GRID1: variants seen among roughly 807,000 people sequenced by gnomAD.
GRID1 encodes the protein glutamate ionotropic receptor delta type subunit 1, also known as glutamate receptor ionotropic, delta-1.
GRID1 carries 28 observed loss-of-function variants against 98.0 expected under a neutral mutation model. That is an observed-to-expected ratio of 0.29 (90% CI 0.21 to 0.39). GRID1 has a LOEUF of 0.39. GRID1 is among the 10% of genes least tolerant of loss of function. The pLI is 1.00. For missense variants in GRID1, 1,111 were observed against 1,340.5 expected, an observed-to-expected ratio of 0.83 and a Z score of 2.67; for synonymous variants, 553 against 538.5, an observed-to-expected ratio of 1.03 and a Z score of -0.37.
At position 85,674,391 on chromosome 10, in the gene GRID1, C is replaced by T. The variant is rs531750833; in HGVS notation, c.1998-26994G>A. On this transcript the variant is annotated intron_variant, in intron 12 of 15. Coordinates refer to ENST00000327946, the MANE Select transcript of GRID1 (RefSeq NM_017551.3). ...GAATAAGAACAGCTTCAACATACCC[C>T]ACTGCACATCTCAAAGTTCAAGACA... Among the ~76,000 whole-genome samples the T allele has an allele frequency of 8.0e-4, 122 of 152,242 alleles. 1 individual carries two copies. In the South Asian group the frequency reaches 0.01, roughly 13 times the overall value.
chr10:85,782,560 A>C (rs1842390573), intron 8 of GRID1, among the ~76,000 whole-genome samples: 1 of 152,250 alleles, frequency 6.6e-6, no homozygotes, highest in South Asian at 2.1e-4. Context: ...TAGAGTTGAA[A>C]TGTTAAGTGA....
intron 5 of GRID1, among the ~76,000 whole-genome samples, chr10:85,883,460 TTTCCTTCGTTTTCC>T (rs1841064676): frequency 6.6e-6 from 1 of 152,048 alleles, no homozygotes; most frequent in South Asian, 2.1e-4. Flanking sequence ...GACTTTTTTC[TTTCCTTCGTTTTCC>T]TTTGTCCTTC....
intron 8 of GRID1, among the ~76,000 whole-genome samples, chr10:85,831,778 A>G (rs1053758731): frequency 3.9e-5 from 6 of 152,128 alleles, no homozygotes; most frequent in Non-Finnish European, 8.8e-5. Context: ...CATTGAAAGT[A>G]AAATATGTCA....
Position 85,965,208 on chromosome 10 carries a change from C to T in GRID1, c.727-48969G>A, listed in dbSNP as rs1219763902. ...TGGTGGGAGTGTAAATTAGTTCAAC[C>T]ATTGTGGAAGACAGTGTGGCAATTC... On this transcript the variant is annotated intron_variant, in intron 4 of 15. Coordinates refer to ENST00000327946, the MANE Select transcript of GRID1 (RefSeq NM_017551.3). Among the ~76,000 whole-genome samples, 2 of 152,304 alleles carry T rather than the reference C, an allele frequency of 1.3e-5. 1 individual carries two copies. The highest frequency in any genetic ancestry group is 6.8e-3 in the Middle Eastern group (2 of 294).
intron 4 of GRID1, among the ~76,000 whole-genome samples, chr10:85,972,024 G>C (rs11596692): frequency 0.13 from 19,602 of 152,088 alleles, 1,394 homozygotes; most frequent in Admixed American, 0.22. Context: ...TAACAAATGA[G>C]AATCAACCCC....
chr10:85,605,903 T>C (rs1362732748), intron 15 of GRID1: 1 of 152,206 alleles, frequency 6.6e-6, no homozygotes, highest in East Asian at 1.9e-4. Flanking sequence ...CAAAATTCTC[T>C]GAAGGAAGAT....
intron 2 of GRID1, among the ~76,000 whole-genome samples, chr10:86,327,119 G>A (rs977866743): frequency 6.6e-6 from 1 of 152,156 alleles, no homozygotes; most frequent in Non-Finnish European, 1.5e-5. Flanking sequence ...CTGGGCGACA[G>A]AGCAACACTC....
chr10:85,974,245 G>A (rs117055644), intron 4 of GRID1, among the ~76,000 whole-genome samples: 5 of 152,188 alleles, frequency 3.3e-5, no homozygotes, highest in South Asian at 2.1e-4. Flanking sequence ...AAGAAATACC[G>A]AGGGAAAGTC....
intron 4 of GRID1, among the ~76,000 whole-genome samples, chr10:86,034,705 G>A (rs1365206719): frequency 6.6e-6 from 1 of 151,902 alleles, no homozygotes; most frequent in Non-Finnish European, 1.5e-5. Context: ...CAATTACAAT[G>A]ATCTGTTTCC....
intron 4 of GRID1, among the ~76,000 whole-genome samples, chr10:85,996,829 CAA>C (rs200832384): frequency 1.5e-4 from 10 of 67,838 alleles, no homozygotes; most frequent in Middle Eastern, 8.8e-3. Flanking sequence ...AACTCCATCT[CAA>C]AAAAAAAAAA....
intron 12 of GRID1, among the ~76,000 whole-genome samples, chr10:85,681,582 C>T (rs1841209347): frequency 6.6e-6 from 1 of 152,122 alleles, no homozygotes; most frequent in East Asian, 1.9e-4. Flanking sequence ...CATGCACTGC[C>T]TCTTAACCTG....
At chr10:85,675,660 A>G (rs2132589679) in intron 12 of GRID1, among the ~76,000 whole-genome samples, 1 of 152,342 alleles carries the variant, frequency 6.6e-6, no homozygotes, top group Non-Finnish European at 1.5e-5. Context: ...GAGATCATAA[A>G]CACAATGAAT....
At chr10:86,247,419 G>A (rs1564718073) in intron 2 of GRID1, among the ~76,000 whole-genome samples, 1 of 152,128 alleles carries the variant, frequency 6.6e-6, no homozygotes, top group African/African-American at 2.4e-5. Context: ...CAGATGAGTT[G>A]ATGAATGAAT....
intron 15 of GRID1, chr10:85,607,007 T>G (rs1842675337): frequency 6.6e-6 from 1 of 152,196 alleles, no homozygotes; most frequent in African/African-American, 2.4e-5. Context: ...CATCCCTGAA[T>G]ATGATATAAA....
chr10:86,091,351 G>C (rs1056067474), intron 4 of GRID1, among the ~76,000 whole-genome samples: 1 of 152,060 alleles, frequency 6.6e-6, no homozygotes, highest in Non-Finnish European at 1.5e-5. Flanking sequence ...GGTGAGGCCT[G>C]TGACTGCCAG....
At chr10:86,272,538 ACTAT>A (rs1847201337) in intron 2 of GRID1, among the ~76,000 whole-genome samples, 1 of 152,170 alleles carries the variant, frequency 6.6e-6, no homozygotes, top group Admixed American at 6.5e-5. Context: ...AATTATTGTG[ACTAT>A]CTGTTATAGG....
At chr10:85,626,393 T>C (rs1842912644) in intron 13 of GRID1, among the ~76,000 whole-genome samples, 1 of 152,228 alleles carries the variant, frequency 6.6e-6, no homozygotes, top group Non-Finnish European at 1.5e-5. Context: ...CCTACTGTCT[T>C]TGCTCTTGGA....
chr10:85,719,873 A>G (rs888414268), intron 12 of GRID1, among the ~76,000 whole-genome samples: 2 of 152,230 alleles, frequency 1.3e-5, no homozygotes, highest in African/African-American at 4.8e-5. Flanking sequence ...AGAAAATCTT[A>G]AGGATCTCTG....
chr10:85,930,245 AAATAACTTGCGG>A (rs1286960353), intron 4 of GRID1, among the ~76,000 whole-genome samples: 1 of 97,006 alleles, frequency 1.0e-5, no homozygotes, highest in African/African-American at 5.4e-5. Flanking sequence ...TTTTAACTAC[AAATAACTTGCGG>A]TTATTTATAA....
Sources: gnomAD v4.1 joint callset for allele counts (sites outside exome capture counted in the v4.1 genomes callset) on GRCh38, gnomAD v4.1.1 for gene constraint, MANE v1.5 for transcripts, NCBI Gene and HGNC (gene_info 2026-07-23, HGNC 2026-07-21) for gene names.